The following LSAMP variants were observed in gnomAD, a reference collection of about 807,000 sequenced individuals.
LSAMP encodes limbic system-associated membrane protein.
A neutral mutation model predicts 38.6 loss-of-function variants in LSAMP; 7 were observed. The ratio of observed to expected loss-of-function variants is 0.18; its 90% CI spans 0.10 to 0.34. The LOEUF is 0.34. Among genes scored for constraint, LSAMP ranks in the 10% least tolerant of loss-of-function variants. The pLI, the probability that LSAMP is intolerant of heterozygous loss-of-function variation, is 1.00. For synonymous variants in LSAMP, 154 were observed against 166.8 expected (o/e 0.92, Z 0.59); for missense variants, 313 against 420.0 (o/e 0.75, Z 2.23).
intron 1 of LSAMP, among the ~76,000 whole-genome samples, chr3:116,152,011 A>C (rs1038148491): frequency 1.3e-5 from 2 of 152,038 alleles, no homozygotes; most frequent in African/African-American, 2.4e-5. Context: ...TATCTGATCT[A>C]TCTGGTCTTG....
intron 2 of LSAMP, among the ~76,000 whole-genome samples, chr3:116,027,106 T>C (rs1299504583): frequency 3.3e-5 from 5 of 152,212 alleles, no homozygotes; most frequent in African/African-American, 1.2e-4. Context: ...TTATTTGTTG[T>C]TTATCCCAAA....
chr3:116,213,606 A>G (rs1007391504), intron 1 of LSAMP, among the ~76,000 whole-genome samples: 2 of 152,244 alleles, frequency 1.3e-5, no homozygotes, highest in African/African-American at 2.4e-5. Flanking sequence ...ATGAAACTCA[A>G]TAGCCAACAT....
intron 2 of LSAMP, among the ~76,000 whole-genome samples, chr3:116,056,795 A>G (rs980588757): frequency 2.6e-5 from 4 of 152,260 alleles, no homozygotes; most frequent in Middle Eastern, 3.4e-3. Context: ...CAAGAAACAA[A>G]TCCTCATCAA....
intron 1 of LSAMP, among the ~76,000 whole-genome samples, chr3:116,150,460 G>T (rs957105372): frequency 6.6e-6 from 1 of 151,962 alleles, no homozygotes; most frequent in African/African-American, 2.4e-5. Context: ...TATGATTGTG[G>T]CATTTTTATA....
chr3:115,839,046 G>T (rs375762016), intron 6 of LSAMP, among the ~76,000 whole-genome samples: 1 of 152,122 alleles, frequency 6.6e-6, no homozygotes, highest in Non-Finnish European at 1.5e-5. Context: ...CGTCAGGGCC[G>T]TGGCCACAGA....
intron 2 of LSAMP, among the ~76,000 whole-genome samples, chr3:116,079,417 G>T (rs774324758): frequency 1.3e-5 from 2 of 152,160 alleles, no homozygotes; most frequent in African/African-American, 2.4e-5. Context: ...CCAGCACAAT[G>T]GGAGGCCGAG....
chr3:115,966,819 A>G (rs893261371), intron 3 of LSAMP, among the ~76,000 whole-genome samples: 2 of 152,236 alleles, frequency 1.3e-5, no homozygotes, highest in Admixed American at 6.5e-5. Context: ...TAGGCAATTT[A>G]TAAGTAAAAG....
chr3:116,378,988 A>AAC (rs3028640), intron 1 of LSAMP, among the ~76,000 whole-genome samples: 8,968 of 136,968 alleles, frequency 0.065, 333 homozygotes, highest in African/African-American at 0.11. Flanking sequence ...AATTGCTCAG[A>AAC]ACACACACAC....
At chr3:116,182,253 T>C (rs1374971122) in intron 1 of LSAMP, among the ~76,000 whole-genome samples, 1 of 151,802 alleles carries the variant, frequency 6.6e-6, no homozygotes, top group Non-Finnish European at 1.5e-5. Flanking sequence ...ATTTCAGTTA[T>C]TCCTAAGGTT....
intron 3 of LSAMP, among the ~76,000 whole-genome samples, chr3:115,902,859 TTCAGAGAAAAAGCA>T (rs1230613971): frequency 1.3e-5 from 2 of 152,100 alleles, no homozygotes; most frequent in African/African-American, 4.8e-5. Context: ...CTGGTGAGGT[TTCAGAGAAAAAGCA>T]ACATCTATGA....
chr3:115,927,657 A>G (rs965096559), intron 3 of LSAMP, among the ~76,000 whole-genome samples: 2 of 152,134 alleles, frequency 1.3e-5, no homozygotes, highest in African/African-American at 2.4e-5. Flanking sequence ...TGCTTCGGCC[A>G]CATTGGACTT....
chr3:116,300,066 C>A (rs746961017), intron 1 of LSAMP, among the ~76,000 whole-genome samples: 43 of 152,284 alleles, frequency 2.8e-4, no homozygotes, highest in Non-Finnish European at 5.6e-4. Context: ...CACCTTCCAC[C>A]CTGAAGCCAG....
chr3:116,335,510 C>T (rs537333194), intron 1 of LSAMP, among the ~76,000 whole-genome samples: 1 of 152,142 alleles, frequency 6.6e-6, no homozygotes, highest in Admixed American at 6.6e-5. Context: ...GGCATATAGA[C>T]AGACATATAA....
chr3:116,366,603 T>C (rs1014828720), intron 1 of LSAMP, among the ~76,000 whole-genome samples: 1 of 152,148 alleles, frequency 6.6e-6, no homozygotes, highest in Non-Finnish European at 1.5e-5. Context: ...ATTAAAGTAG[T>C]CCTGGCATGT....
intron 1 of LSAMP, among the ~76,000 whole-genome samples, chr3:116,227,444 A>G (rs1052912481): frequency 1.3e-5 from 2 of 152,236 alleles, no homozygotes; most frequent in Admixed American, 6.5e-5. Flanking sequence ...CTATAAACTT[A>G]GCACAATACC....
intron 3 of LSAMP, among the ~76,000 whole-genome samples, chr3:115,997,753 T>TACATAC (rs1553757640): frequency 2.4e-5 from 3 of 124,980 alleles, no homozygotes; most frequent in Non-Finnish European, 3.2e-5. Flanking sequence ...TATATATATA[T>TACATAC]ACACACACAT....
At chr3:115,878,185 A>G (rs1240840187) in intron 3 of LSAMP, among the ~76,000 whole-genome samples, 3 of 151,958 alleles carry the variant, frequency 2.0e-5, no homozygotes, top group Non-Finnish European at 4.4e-5. Flanking sequence ...GAAAAGTGAG[A>G]CTCTTGATGA....
At chr3:116,136,826 A>G (rs894404819) in intron 1 of LSAMP, among the ~76,000 whole-genome samples, 5 of 152,118 alleles carry the variant, frequency 3.3e-5, no homozygotes, top group African/African-American at 1.2e-4. Context: ...GAATATCATA[A>G]TGTCAAAGTC....
chr3:116,159,124 T>C (rs1709824245), intron 1 of LSAMP, among the ~76,000 whole-genome samples: 1 of 152,072 alleles, frequency 6.6e-6, no homozygotes, highest in South Asian at 2.1e-4. Context: ...ATTGAAGACT[T>C]AAATATAAAA....
Sources: allele counts gnomAD v4.1 joint callset (sites outside exome capture counted in the v4.1 genomes callset), GRCh38; gene constraint gnomAD v4.1.1; transcripts MANE v1.5; gene names NCBI Gene and HGNC (gene_info 2026-07-23, HGNC 2026-07-21).